The following WARS2 variants were observed in gnomAD, a reference collection of about 807,000 sequenced individuals.
WARS2 encodes tryptophan--tRNA ligase, mitochondrial.
WARS2 carries 28 observed loss-of-function variants against 36.5 expected under a neutral mutation model. That is an observed-to-expected ratio of 0.77 (90% CI 0.57 to 1.05). The LOEUF is 1.05. Ranked by LOEUF, WARS2 falls within the 50% of genes least tolerant of loss-of-function variation. The probability of loss-of-function intolerance (pLI) is 0.00; values close to 1 mark genes in which losing one functional copy is unlikely to be tolerated. For synonymous variants in WARS2, 174 were observed against 178.4 expected, an observed-to-expected ratio of 0.98 and a Z score of 0.20; for missense variants, 435 against 456.8, an observed-to-expected ratio of 0.95 and a Z score of 0.44.
At chr1:119,085,121 CCCGTTGTACGGG>C in intron 1 of WARS2, 5 of 783,124 alleles carry the variant, frequency 6.4e-6, no homozygotes, top group Non-Finnish European at 1.2e-5. Flanking sequence ...CTTCAGAACG[CCCGTTGTACGGG>C]CTAGAAAGTG....
chr1:119,120,275 C>A (rs191388839), intron 1 of WARS2, among the ~76,000 whole-genome samples: 1 of 151,950 alleles, frequency 6.6e-6, no homozygotes, highest in African/African-American at 2.4e-5. Context: ...CTATGAACAC[C>A]TTTATGTGCA....
At chr1:119,061,802 G>A (rs1435776651) in intron 2 of WARS2, among the ~76,000 whole-genome samples, 1 of 152,022 alleles carries the variant, frequency 6.6e-6, no homozygotes, top group South Asian at 2.1e-4. Context: ...CCTGCTCCAT[G>A]AGACTCTGAC....
intron 1 of WARS2, among the ~76,000 whole-genome samples, chr1:119,120,388 A>G (rs746355551): frequency 6.6e-6 from 1 of 151,928 alleles, no homozygotes; most frequent in Non-Finnish European, 1.5e-5. Flanking sequence ...AATAACAAGT[A>G]ATGAGATTGA....
intron 1 of WARS2, among the ~76,000 whole-genome samples, chr1:119,086,390 C>T (rs908694298): frequency 1.3e-5 from 2 of 152,200 alleles, no homozygotes; most frequent in Admixed American, 6.5e-5. Flanking sequence ...CAGACTGTTA[C>T]TAAACATGCG....
intron 2 of WARS2, among the ~76,000 whole-genome samples, chr1:119,065,314 A>G (rs933548914): frequency 6.6e-6 from 1 of 152,198 alleles, no homozygotes; most frequent in African/African-American, 2.4e-5. Flanking sequence ...AGGTCCACTC[A>G]AGAAGTTAGT....
chr1:119,057,184 T>C (rs1377508670), intron 2 of WARS2, among the ~76,000 whole-genome samples: 1 of 152,068 alleles, frequency 6.6e-6, no homozygotes, highest in Non-Finnish European at 1.5e-5. Context: ...TCTTGCACTG[T>C]CGCCCAGGCT....
chr1:119,138,998 T>C (rs1211932943), intron 1 of WARS2, among the ~76,000 whole-genome samples: 3 of 152,186 alleles, frequency 2.0e-5, no homozygotes, highest in African/African-American at 2.4e-5. Flanking sequence ...TGTCTTTTTT[T>C]TCTCTCTCTC....
At position 119,140,546 on chromosome 1, in the gene WARS2, T is replaced by C; in HGVS notation, c.90+9A>G. The C allele has an allele frequency of 6.2e-7, 1 of 1,612,408 alleles. No individual in the cohort carries two copies. The highest frequency in any genetic ancestry group is 8.5e-7 in the Non-Finnish European group (1 of 1,178,766). The stretch of plus-strand genomic sequence containing the variant: ...GGAAGCCGCGGAGGGAAGGGCCGTC[T>C]TTGGTTACCTGGAGAGCGGGAGCAG... On this transcript the variant is annotated intron_variant, in intron 1 of 5. Coordinates refer to ENST00000235521, the MANE Select transcript of WARS2 (RefSeq NM_015836.4).
chr1:119,033,607 T>C (rs1294994813), intron 5 of WARS2, among the ~76,000 whole-genome samples: 1 of 152,244 alleles, frequency 6.6e-6, no homozygotes, highest in African/African-American at 2.4e-5. Flanking sequence ...TATTATAAAA[T>C]AGGCTTTGTG....
intron 1 of WARS2, among the ~76,000 whole-genome samples, chr1:119,110,805 A>G (rs968663305): frequency 1.3e-5 from 2 of 151,960 alleles, no homozygotes; most frequent in African/African-American, 4.8e-5. Context: ...TAGTTGTCCT[A>G]TAGTTCTTGG....
intron 1 of WARS2, among the ~76,000 whole-genome samples, chr1:119,134,333 A>AAC (rs1656335091): frequency 6.6e-6 from 1 of 151,026 alleles, no homozygotes; most frequent in Non-Finnish European, 1.5e-5. Context: ...AAAAAAAAAA[A>AAC]AAAAAAAACA....
intron 1 of WARS2, among the ~76,000 whole-genome samples, chr1:119,122,396 G>C (rs948972925): frequency 6.6e-6 from 1 of 152,144 alleles, no homozygotes; most frequent in Admixed American, 6.6e-5. Context: ...AAAAGTAATA[G>C]ATGTTGGCAT....
chr1:119,089,008 T>C (rs990951447), intron 1 of WARS2, among the ~76,000 whole-genome samples: 4 of 152,188 alleles, frequency 2.6e-5, no homozygotes, highest in South Asian at 2.1e-4. Context: ...TGGACTAATA[T>C]CATGTGGCCT....
At chr1:119,092,017 C>G (rs1271173675) in intron 1 of WARS2, among the ~76,000 whole-genome samples, 3 of 152,080 alleles carry the variant, frequency 2.0e-5, no homozygotes, top group African/African-American at 7.2e-5. Context: ...CATAAACTGC[C>G]CGGTTTGAAC....
intron 3 of WARS2, 62 bp from the exon 4 acceptor site, chr1:119,042,411 C>A: frequency 6.7e-7 from 1 of 1,486,076 alleles, no homozygotes; most frequent in Non-Finnish European, 9.4e-7. Flanking sequence ...CCTAATTATA[C>A]TGCTAGATTA....
At chr1:119,127,595 CCCACTAACCTATACCATCT>C (rs1340745706) in intron 1 of WARS2, among the ~76,000 whole-genome samples, 1 of 152,160 alleles carries the variant, frequency 6.6e-6, no homozygotes, top group Admixed American at 6.5e-5. Context: ...CATATACAAA[CCCACTAACCTATACCATCT>C]CCTCAGGTCT....
At chr1:119,109,337 C>G (rs1654463739) in intron 1 of WARS2, among the ~76,000 whole-genome samples, 1 of 151,884 alleles carries the variant, frequency 6.6e-6, no homozygotes, top group South Asian at 2.1e-4. Context: ...CTTTGGAGTT[C>G]TATCAGTTTT....
At chr1:119,100,839 T>C (rs1653804258) in intron 1 of WARS2, among the ~76,000 whole-genome samples, 3 of 152,140 alleles carry the variant, frequency 2.0e-5, no homozygotes, top group South Asian at 4.1e-4. Context: ...GATTTCACCA[T>C]GTTGCCCAGG....
intron 2 of WARS2, among the ~76,000 whole-genome samples, chr1:119,050,628 A>C (rs765699793): frequency 6.6e-6 from 1 of 152,202 alleles, no homozygotes; most frequent in Non-Finnish European, 1.5e-5. Context: ...TACTGTATAC[A>C]AATAAGTGAG....
Sources: gnomAD v4.1 joint callset for allele counts (sites outside exome capture counted in the v4.1 genomes callset) on GRCh38, gnomAD v4.1.1 for gene constraint, MANE v1.5 for transcripts, NCBI Gene and HGNC (gene_info 2026-07-23, HGNC 2026-07-21) for gene names.